Variants in PRKN observed in about 807,000 individuals in gnomAD.
PRKN encodes the protein parkin RBR E3 ubiquitin protein ligase.
Under a neutral mutation model 59.5 loss-of-function variants are expected in PRKN, and 56 were observed. That is an observed-to-expected ratio of 0.94 (90% CI 0.76 to 1.18). The LOEUF (loss-of-function observed/expected upper bound fraction) is 1.18. Ranked by LOEUF, PRKN falls within the 50% of genes most tolerant of loss-of-function variation. The probability of loss-of-function intolerance (pLI) is 0.00; values close to 1 mark genes in which losing one functional copy is unlikely to be tolerated. For synonymous variants in PRKN, 250 were observed against 222.1 expected (o/e 1.13, Z -1.12); for missense variants, 657 against 596.4 (o/e 1.10, Z -1.06).
At chr6:162,396,427 A>G (rs1226142987) in intron 2 of PRKN, among the ~76,000 whole-genome samples, 1 of 152,060 alleles carries the variant, frequency 6.6e-6, no homozygotes, top group Non-Finnish European at 1.5e-5. Context: ...TCTGGCTAAC[A>G]AGGTGGAACG....
At chr6:161,745,646 C>T (rs1441603312) in intron 7 of PRKN, among the ~76,000 whole-genome samples, 1 of 152,112 alleles carries the variant, frequency 6.6e-6, no homozygotes, top group Non-Finnish European at 1.5e-5. Flanking sequence ...TATTTAAAGG[C>T]TAGAATATAG....
At chr6:161,726,044 T>G (rs924541438) in intron 7 of PRKN, among the ~76,000 whole-genome samples, 10 of 152,226 alleles carry the variant, frequency 6.6e-5, no homozygotes, top group Non-Finnish European at 1.2e-4. Flanking sequence ...ATGAGGGCAC[T>G]GACTTCACTT....
rs554371670 is a variant in PRKN at position 161,395,947 on chromosome 6, A to G, written c.1084-9070T>C. On this transcript the variant is annotated intron_variant, in intron 9 of 11. Coordinates refer to ENST00000366898, the MANE Select transcript of PRKN (RefSeq NM_004562.3). This position sits in a 1 kb window ranked among gnomAD's most constrained non-coding sequence, Gnocchi z 5.0. ...CAGACAGCCAACAAATTAGAGGTCC[A>G]GGTTAGAGAGAAAGAAACAGTGAAT... 7.4e-4 allele frequency among the ~76,000 whole-genome samples: 113 copies of G among 152,270 alleles called. No homozygotes were observed. The highest frequency in any genetic ancestry group is 1.4e-3 in the Non-Finnish European group (92 of 67,970).
intron 1 of PRKN, among the ~76,000 whole-genome samples, chr6:162,471,690 C>A (rs1379907074): frequency 2.6e-5 from 4 of 152,144 alleles, no homozygotes; most frequent in African/African-American, 9.7e-5. Flanking sequence ...ATAAATTATA[C>A]AGAAGTGCAA....
rs895814841 is a variant in PRKN at position 161,359,559 on chromosome 6, C to T, written c.1285+529G>A. Among the ~76,000 whole-genome samples, 2 of 152,234 alleles carry T rather than the reference C, an allele frequency of 1.3e-5. No individual in the cohort carries two copies. Among genetic ancestry groups the T allele is most frequent in the African/African-American group, 2.4e-5 (1 of 41,462 alleles). ...GACCACTGGTTGTGATGGCTTTGCC[C>T]TGAGTGGCATGTCCAGGATAGACAG... On this transcript the variant is annotated intron_variant, in intron 11 of 11. Transcript: ENST00000366898. The surrounding 1 kb of genome is among the most constrained non-coding windows in gnomAD (Gnocchi z 5.4).
intron 6 of PRKN, among the ~76,000 whole-genome samples, chr6:161,864,803 C>CCTA (rs111415532): frequency 3.3e-5 from 5 of 151,266 alleles, no homozygotes; most frequent in African/African-American, 1.2e-4. Flanking sequence ...ATTACAGTCG[C>CCTA]CCACCACACC....
chr6:162,195,103 G>A (rs188986899), intron 4 of PRKN, among the ~76,000 whole-genome samples: 2 of 152,002 alleles, frequency 1.3e-5, no homozygotes, highest in African/African-American at 4.8e-5. Flanking sequence ...AACCAGCTTC[G>A]CTGTAGATTT....
At chr6:162,026,813 G>A (rs1783453663) in intron 5 of PRKN, among the ~76,000 whole-genome samples, 1 of 152,134 alleles carries the variant, frequency 6.6e-6, no homozygotes, top group Non-Finnish European at 1.5e-5. Flanking sequence ...TTATTGGTAT[G>A]TTGTTGGCAA....
intron 9 of PRKN, among the ~76,000 whole-genome samples, chr6:161,520,962 C>G (rs1377648606): frequency 6.6e-6 from 1 of 152,150 alleles, no homozygotes; most frequent in Non-Finnish European, 1.5e-5. Flanking sequence ...AGCTACAGAG[C>G]TTAATTAAAC....
chr6:162,567,867 A>C (rs1368513895), intron 1 of PRKN, among the ~76,000 whole-genome samples: 1 of 152,220 alleles, frequency 6.6e-6, no homozygotes, highest in Admixed American at 6.5e-5. Context: ...TTCAAATTAT[A>C]CTACAGAGCT....
At chr6:161,559,636 C>T (rs1226920512) in intron 8 of PRKN, among the ~76,000 whole-genome samples, 2 of 152,104 alleles carry the variant, frequency 1.3e-5, no homozygotes, top group Non-Finnish European at 2.9e-5. Context: ...ATTTTCACCT[C>T]TCTTCTTTCT....
At chr6:162,325,462 A>G (rs2128123095) in intron 2 of PRKN, among the ~76,000 whole-genome samples, 1 of 152,202 alleles carries the variant, frequency 6.6e-6, no homozygotes, top group African/African-American at 2.4e-5. Context: ...CCTAACCTCA[A>G]AGGATTGGGA....
At chr6:162,100,286 G>A (rs988792243) in intron 4 of PRKN, among the ~76,000 whole-genome samples, 5 of 152,072 alleles carry the variant, frequency 3.3e-5, no homozygotes, top group African/African-American at 7.2e-5. Context: ...CTTTGGATAC[G>A]TACCCAGAAG....
intron 6 of PRKN, among the ~76,000 whole-genome samples, chr6:161,816,727 CA>C (rs36108714): frequency 0.53 from 74,503 of 141,378 alleles, 18,775 homozygotes; most frequent in Middle Eastern, 0.57. Flanking sequence ...GACTCCATCT[CA>C]AAAAAAAAAA....
At chr6:162,461,073 G>A (rs1454961255) in intron 1 of PRKN, among the ~76,000 whole-genome samples, 1 of 152,004 alleles carries the variant, frequency 6.6e-6, no homozygotes, top group African/African-American at 2.4e-5. Flanking sequence ...CACAGTGCTA[G>A]AAAGTGATAT....
chr6:161,581,279 A>G lies in PRKN; in HGVS notation c.872-11863T>C, dbSNP rs951072696. ...AACTTTCATAGGCATGAGTAAAGCT[A>G]CTGCAGTGAAAGAACCTGTCAAAGG... On this transcript the variant is annotated intron_variant, in intron 7 of 11. Transcript: ENST00000366898. This position sits in a 1 kb window ranked among gnomAD's most constrained non-coding sequence, Gnocchi z 4.5. 6.6e-6 allele frequency among the ~76,000 whole-genome samples: 1 copy of G among 152,134 alleles called. No individual in the cohort carries two copies. The highest frequency in any genetic ancestry group is 1.5e-5 in the Non-Finnish European group (1 of 68,040).
At chr6:162,262,207 T>C (rs577252083) in intron 3 of PRKN, among the ~76,000 whole-genome samples, 1 of 152,308 alleles carries the variant, frequency 6.6e-6, no homozygotes, top group South Asian at 2.1e-4. Flanking sequence ...CATTGGCATA[T>C]CTGGCTTTAG....
intron 4 of PRKN, among the ~76,000 whole-genome samples, chr6:162,084,996 A>G (rs1779196083): frequency 6.6e-6 from 1 of 151,662 alleles, no homozygotes; most frequent in Non-Finnish European, 1.5e-5. Context: ...GTGACATGTT[A>G]TTCCATTATC....
intron 7 of PRKN, among the ~76,000 whole-genome samples, chr6:161,767,860 C>T (rs901396458): frequency 2.6e-5 from 4 of 152,124 alleles, no homozygotes; most frequent in Non-Finnish European, 5.9e-5. Flanking sequence ...TCAGGTGTGA[C>T]TAGGCTGGGA....
Sources: gnomAD v4.1 joint callset for allele counts (sites outside exome capture counted in the v4.1 genomes callset) on GRCh38, gnomAD v4.1.1 for gene constraint, Gnocchi (gnomAD v3.1) non-coding constraint, MANE v1.5 for transcripts, NCBI Gene and HGNC (gene_info 2026-07-23, HGNC 2026-07-21) for gene names.